Variants in LCOR observed in about 807,000 individuals in gnomAD.
The protein encoded by LCOR is ligand dependent nuclear receptor corepressor, also known as ligand-dependent corepressor.
Under a neutral mutation model 64.4 loss-of-function variants are expected in LCOR, and 14 were observed. The ratio of observed to expected loss-of-function variants is 0.22; its 90% CI spans 0.14 to 0.34. LCOR has a LOEUF of 0.34. Ranked by LOEUF, LCOR falls within the 10% of genes least tolerant of loss-of-function variation. The pLI, the probability that LCOR is intolerant of heterozygous loss-of-function variation, is 1.00. For missense variants in LCOR, 1,686 were observed against 1,765.3 expected (o/e 0.96, Z 0.80); for synonymous variants, 643 against 642.5 (o/e 1.00, Z -0.01).
intron 7 of LCOR, among the ~76,000 whole-genome samples, chr10:96,970,653 A>ATTTATTTTAT (rs879732420): frequency 1.1e-3 from 156 of 140,786 alleles, no homozygotes; most frequent in African/African-American, 3.7e-3. Context: ...ATTTTATTTT[A>ATTTATTTTAT]TTTATTTTAT....
chr10:96,896,338 G>C (rs1589639427), intron 2 of LCOR, among the ~76,000 whole-genome samples: 1 of 152,078 alleles, frequency 6.6e-6, no homozygotes, highest in South Asian at 2.1e-4. Flanking sequence ...TGAGGAATGG[G>C]GGAAAATATG....
chr10:96,837,147 C>G (rs1003646290), intron 2 of LCOR, among the ~76,000 whole-genome samples: 1 of 152,262 alleles, frequency 6.6e-6, no homozygotes, highest in East Asian at 1.9e-4. Context: ...CCCGCCACCA[C>G]GCTCGGCTAA....
At chr10:96,845,308 G>A (rs1845608678) in intron 2 of LCOR, among the ~76,000 whole-genome samples, 1 of 151,980 alleles carries the variant, frequency 6.6e-6, no homozygotes, top group African/African-American at 2.4e-5. Flanking sequence ...CGGTGTTTAT[G>A]AGTATTTCAC....
chr10:96,863,288 C>T (rs987080568), intron 2 of LCOR, among the ~76,000 whole-genome samples: 1 of 150,668 alleles, frequency 6.6e-6, no homozygotes, highest in African/African-American at 2.5e-5. Context: ...ACTGCAACCT[C>T]CGCCTCCTTG....
rs1222346197 is a variant in LCOR at position 96,984,081 on chromosome 10, A to G, written c.3621A>G (p.Pro1207=). 2.5e-6 allele frequency: 4 copies of G among 1,614,116 alleles called. No homozygotes were observed. Among genetic ancestry groups the G allele is most frequent in the Admixed American group, 3.3e-5 (2 of 60,014 alleles). The change falls in exon 8 of 8, where the codon CCA becomes CCG. Residue 1207 remains proline, a synonymous_variant. Transcript: ENST00000421806. The part of the protein sequence containing the change: ...VIVKKLNTRL[P]GDVPPVKHPL... ...TGAAGAAGCTCAATACTCGCCTTCC[A>G]GGAGACGTTCCCCCTGTCAAGCATC...
intron 4 of LCOR, among the ~76,000 whole-genome samples, chr10:96,908,541 C>T (rs576493596): frequency 6.6e-6 from 1 of 152,126 alleles, no homozygotes; most frequent in African/African-American, 2.4e-5. Context: ...ATTGTATAAA[C>T]TGGGTGAACC....
intron 2 of LCOR, among the ~76,000 whole-genome samples, chr10:96,902,985 A>T (rs1846666726): frequency 6.6e-6 from 1 of 152,206 alleles, no homozygotes; most frequent in African/African-American, 2.4e-5. Context: ...CTAGCCTGCA[A>T]ATCTGTACAG....
chr10:96,874,239 C>T (rs1225345633), intron 2 of LCOR, among the ~76,000 whole-genome samples: 1 of 152,154 alleles, frequency 6.6e-6, no homozygotes, highest in Non-Finnish European at 1.5e-5. Context: ...AAGTTTTTAT[C>T]ACTTCCACGT....
chr10:96,938,571 A>G (rs568464384), intron 4 of LCOR, among the ~76,000 whole-genome samples: 47 of 152,278 alleles, frequency 3.1e-4, no homozygotes, highest in East Asian at 9.6e-4. Flanking sequence ...AAGTCATTCA[A>G]ATTGCAAAAG....
chr10:96,833,837 A>G (rs1845392783), intron 2 of LCOR, among the ~76,000 whole-genome samples: 1 of 152,018 alleles, frequency 6.6e-6, no homozygotes. Flanking sequence ...CGGCAATTTC[A>G]TGCGGTGAGA....
At chr10:96,957,757 A>C in intron 7 of LCOR, 4 of 985,384 alleles carry the variant, frequency 4.1e-6, no homozygotes, top group Non-Finnish European at 4.8e-6. Context: ...TAGGCACACC[A>C]TTGCTGTTAC....
intron 4 of LCOR, among the ~76,000 whole-genome samples, chr10:96,934,157 A>G (rs1431259183): frequency 1.3e-5 from 2 of 152,236 alleles, no homozygotes; most frequent in Non-Finnish European, 2.9e-5. Flanking sequence ...GAGGATTCAA[A>G]TAAGATGGTA....
intron 4 of LCOR, among the ~76,000 whole-genome samples, chr10:96,918,236 A>G (rs1846988855): frequency 6.6e-6 from 1 of 152,178 alleles, no homozygotes; most frequent in Admixed American, 6.5e-5. Context: ...TCCTGGCCCC[A>G]TACTCTATAA....
rs1848194920 is a variant in LCOR, at chr10:96,990,949, T to C, written c.*5815T>C. 7.0e-6 allele frequency: 1 copy of C among 143,538 alleles called. No homozygotes were observed. The highest frequency in any genetic ancestry group is 7.4e-5 in the Admixed American group (1 of 13,586). The allele number at this position is 143,538 out of a possible 1,614,324, so 8.9% of individuals were successfully genotyped here. ...CATAGACTGTCCATTTAAAAAAAAA[T>C]CAGGTACTCATGGTATTACAATATG... On this transcript the variant is annotated 3_prime_UTR_variant, in exon 8 of 8. Coordinates refer to ENST00000421806, the MANE Select transcript of LCOR (RefSeq NM_001346516.2).
chr10:96,933,148 T>A (rs1847292020), intron 4 of LCOR, among the ~76,000 whole-genome samples: 1 of 152,242 alleles, frequency 6.6e-6, no homozygotes, highest in African/African-American at 2.4e-5. Context: ...TTAATTTTTT[T>A]AAGTTAATAT....
intron 2 of LCOR, among the ~76,000 whole-genome samples, chr10:96,892,485 C>T (rs1729184027): frequency 6.6e-6 from 1 of 152,038 alleles, no homozygotes; most frequent in South Asian, 2.1e-4. Flanking sequence ...TGGTGAGGTG[C>T]CGCTTTCTGG....
At chr10:96,876,557 A>G (rs1324157944) in intron 2 of LCOR, among the ~76,000 whole-genome samples, 1 of 152,268 alleles carries the variant, frequency 6.6e-6, no homozygotes, top group Non-Finnish European at 1.5e-5. Flanking sequence ...GGCAGCTTTT[A>G]TTAATACATA....
chr10:96,844,146 C>CTCCT (rs1009826454), intron 2 of LCOR, among the ~76,000 whole-genome samples: 3 of 132,266 alleles, frequency 2.3e-5, no homozygotes, highest in African/African-American at 9.0e-5. Flanking sequence ...CCCTCCCTCC[C>CTCCT]CTCCTGTACC....
At chr10:96,900,912 G>A (rs1464461363) in intron 2 of LCOR, among the ~76,000 whole-genome samples, 1 of 149,022 alleles carries the variant, frequency 6.7e-6, no homozygotes, top group South Asian at 2.1e-4. Context: ...GGGGTCGGCC[G>A]GGCGCAGTGG....
Sources: gnomAD v4.1 joint callset for allele counts (sites outside exome capture counted in the v4.1 genomes callset) on GRCh38, gnomAD v4.1.1 for gene constraint, MANE v1.5 for transcripts, NCBI Gene and HGNC (gene_info 2026-07-23, HGNC 2026-07-21) for gene names.